Variants in PLB1 observed in about 807,000 individuals in gnomAD.
PLB1 encodes the protein phospholipase B1, also known as phospholipase B1, membrane-associated.
PLB1 carries 242 observed loss-of-function variants against 227.4 expected under a neutral mutation model. The observed-to-expected ratio is 1.06, with a 90% confidence interval of 0.96 to 1.18. PLB1 has a LOEUF of 1.18. PLB1 is among the 50% of genes most tolerant of loss of function. The pLI is 0.00. For synonymous variants in PLB1, 757 were observed against 682.2 expected, an observed-to-expected ratio of 1.11 and a Z score of -1.71; for missense variants, 1,858 against 1,816.3, an observed-to-expected ratio of 1.02 and a Z score of -0.42.
chr2:28,631,176 A>G (rs1264119835), intron 54 of PLB1, among the ~76,000 whole-genome samples: 1 of 151,482 alleles, frequency 6.6e-6, no homozygotes, highest in Non-Finnish European at 1.5e-5. Flanking sequence ...AGAAAAAAAG[A>G]AAAAGGCTTA....
Position 28,579,703 on chromosome 2 carries a change from A to G in PLB1, c.1562A>G (p.Asp521Gly), listed in dbSNP as rs996234176. 8.1e-6 allele frequency: 13 copies of G among 1,611,730 alleles called. No homozygotes were observed. In the South Asian group the frequency reaches 1.1e-4, roughly 14 times the overall value. The change falls in exon 23 of 58, where the codon GAT (aspartate) becomes GGT (glycine). Residue 521 changes from aspartate (D) to glycine (G), a missense_variant. Transcript: ENST00000327757. ...GGNDLCDFCN[D>G]LVHYSPQNFT... ...AATGACCTCTGTGATTTCTGCAATG[A>G]TCTGGTAGGTCTCCAGGCACTTTAC...
Position 28,601,915 on chromosome 2 carries a change from C to A in PLB1, c.2624C>A (p.Ala875Asp). ...YCTDSNLYSA[A>D]NFVHHLRNAL... The stretch of plus-strand genomic sequence containing the variant: ...TCTTTCTAGAATCTGTATTCTGCAG[C>A]CAACTTTGTTCACCATCTCCGCAAT... The change falls in exon 38 of 58, where the codon GCC (alanine) becomes GAC (aspartate). Residue 875 changes from alanine (A) to aspartate (D), a missense_variant. Transcript: ENST00000327757. 2 of 1,610,420 alleles carry A rather than the reference C, an allele frequency of 1.2e-6. No homozygotes were observed. The highest frequency in any genetic ancestry group is 1.7e-6 in the Non-Finnish European group (2 of 1,176,692).
intron 41 of PLB1, among the ~76,000 whole-genome samples, chr2:28,605,433 C>T (rs546049154): frequency 6.6e-6 from 1 of 152,214 alleles, no homozygotes; most frequent in East Asian, 1.9e-4. Flanking sequence ...AGGCCTTCCC[C>T]AAGGCTTTGT....
At chr2:28,618,816 G>C (rs1483345983) in intron 46 of PLB1, among the ~76,000 whole-genome samples, 2 of 152,204 alleles carry the variant, frequency 1.3e-5, no homozygotes, top group Non-Finnish European at 2.9e-5. Flanking sequence ...CTTTGGGGCA[G>C]AGGGAGCCCG....
intron 6 of PLB1, among the ~76,000 whole-genome samples, chr2:28,528,553 A>G (rs1670582367): frequency 6.6e-6 from 1 of 152,228 alleles, no homozygotes; most frequent in Non-Finnish European, 1.5e-5. Flanking sequence ...ATGAGGCAGT[A>G]GCACATGACA....
At chr2:28,498,451 G>A (rs745917623) in intron 1 of PLB1, among the ~76,000 whole-genome samples, 3 of 152,152 alleles carry the variant, frequency 2.0e-5, no homozygotes, top group Non-Finnish European at 2.9e-5. Flanking sequence ...TGTAGAGAAG[G>A]AGTTTCACCA....
Position 28,591,754 on chromosome 2 carries a change from A to G in PLB1, c.2182A>G (p.Thr728Ala). The change falls in exon 31 of 58, where the codon ACC becomes GCC. Residue 728 changes from threonine to alanine, a missense_variant. Coordinates refer to ENST00000327757, the MANE Select transcript of PLB1 (RefSeq NM_153021.5). The stretch of plus-strand genomic sequence containing the variant: ...CAGAGCCCCTTCTGCCTTGCACCCT[A>G]CCTCAGGTAAGCCCCCTATGGCACA... Reference protein sequence around the residue: ...RDRAPSALHPTSVHALRPADI... With the variant: ...RDRAPSALHPASVHALRPADI... 1.9e-6 allele frequency: 3 copies of G among 1,613,530 alleles called. No homozygotes were observed. The highest frequency in any genetic ancestry group is 2.5e-6 in the Non-Finnish European group (3 of 1,179,846).
intron 55 of PLB1, among the ~76,000 whole-genome samples, chr2:28,632,670 C>T (rs1452128303): frequency 6.6e-6 from 1 of 151,980 alleles, no homozygotes; most frequent in African/African-American, 2.4e-5. Context: ...CACCTGTAAT[C>T]CCAGGTACTC....
At chr2:28,594,238 A>C (rs1682519927) in intron 33 of PLB1, 3 of 297,284 alleles carry the variant, frequency 1.0e-5, no homozygotes, top group South Asian at 3.0e-5. Context: ...CCAAGACACA[A>C]TCACAATCAG....
rs1683388623 is a variant in PLB1, at chr2:28,598,755, G to A, written c.2469G>A (p.Lys823=). 2 of 1,612,028 alleles carry A rather than the reference G, an allele frequency of 1.2e-6. No individual in the cohort carries two copies. Among genetic ancestry groups the A allele is most frequent in the South Asian group, 1.1e-5 (1 of 91,056 alleles). Residue 823 remains lysine (K), a synonymous_variant, in exon 35 of 58, where the codon AAG becomes AAA. Coordinates refer to ENST00000327757, the MANE Select transcript of PLB1 (RefSeq NM_153021.5). ...TCAATCAAGCTGTTCCCGGAGCAAA[G>A]GCTGAGTATGGCATTTGGGGAGGGA... is the stretch of plus-strand genomic sequence containing the variant. ...AFLNQAVPGA[K]AEDLMSQVQT...
intron 17 of PLB1, among the ~76,000 whole-genome samples, chr2:28,561,772 T>C (rs1214116521): frequency 6.6e-6 from 1 of 151,746 alleles, no homozygotes; most frequent in East Asian, 1.9e-4. Flanking sequence ...CCTATAATCC[T>C]AGCTACTCAG....
At chr2:28,541,859 A>G (rs1490288556) in intron 13 of PLB1, 48 bp downstream of exon 13, 7 of 1,455,604 alleles carry the variant, frequency 4.8e-6, no homozygotes, top group East Asian at 2.3e-5. Context: ...GGGGCCGGGC[A>G]TGGTGGCTCA....
At chr2:28,611,402 A>G (rs531195374) in intron 43 of PLB1, among the ~76,000 whole-genome samples, 5 of 152,272 alleles carry the variant, frequency 3.3e-5, no homozygotes, top group African/African-American at 1.2e-4. Context: ...CCTGGACCCT[A>G]AGCTGAGTCT....
chr2:28,519,687 G>A lies in PLB1; in HGVS notation c.185-18G>A, dbSNP rs777598168. The A allele has an allele frequency of 2.6e-5, 42 of 1,589,990 alleles. No homozygotes were observed. The highest frequency in any genetic ancestry group is 3.5e-5 in the Non-Finnish European group (40 of 1,159,178). On this transcript the variant is annotated intron_variant, in intron 3 of 57. Coordinates refer to ENST00000327757, the MANE Select transcript of PLB1 (RefSeq NM_153021.5). ...GAATGTAGATCTGACCTTCCTATAT[G>A]GGTTCTTGTCTCCACAGTTCACTCT...
At chr2:28,498,649 C>G (rs1318330201) in intron 1 of PLB1, among the ~76,000 whole-genome samples, 1 of 152,188 alleles carries the variant, frequency 6.6e-6, no homozygotes, top group Non-Finnish European at 1.5e-5. Context: ...AGAGCTACCT[C>G]TGTTTGTACA....
At chr2:28,600,451 T>C (rs1683690573) in intron 35 of PLB1, among the ~76,000 whole-genome samples, 1 of 152,194 alleles carries the variant, frequency 6.6e-6, no homozygotes, top group African/African-American at 2.4e-5. Flanking sequence ...GCTAGAAGTT[T>C]CATAGGTCTA....
intron 43 of PLB1, among the ~76,000 whole-genome samples, chr2:28,612,338 A>G (rs1685574605): frequency 6.6e-6 from 1 of 152,100 alleles, no homozygotes; most frequent in Non-Finnish European, 1.5e-5. Flanking sequence ...TGTCTGACCA[A>G]CAGGGTTTTT....
chr2:28,503,683 G>T (rs754993081), intron 1 of PLB1, among the ~76,000 whole-genome samples: 2 of 152,144 alleles, frequency 1.3e-5, no homozygotes. Flanking sequence ...GGGTGTCTTC[G>T]TGTTCCCCTC....
chr2:28,517,826 C>T (rs955932293), intron 2 of PLB1, among the ~76,000 whole-genome samples: 1 of 151,350 alleles, frequency 6.6e-6, no homozygotes, highest in African/African-American at 2.4e-5. Flanking sequence ...AAGTACTTTA[C>T]ATTACTGTGC....
Sources: allele counts gnomAD v4.1 joint callset (sites outside exome capture counted in the v4.1 genomes callset), GRCh38; gene constraint gnomAD v4.1.1; transcripts MANE v1.5; gene names NCBI Gene and HGNC (gene_info 2026-07-23, HGNC 2026-07-21).